Variants in SLC4A5 observed in about 807,000 individuals in gnomAD.
The protein encoded by SLC4A5 is solute carrier family 4 member 5, also known as electrogenic sodium bicarbonate cotransporter 4.
A neutral mutation model predicts 120.4 loss-of-function variants in SLC4A5; 96 were observed. That is an observed-to-expected ratio of 0.80 (90% confidence interval 0.68 to 0.94). The LOEUF is 0.94. Among genes scored for constraint, SLC4A5 ranks in the 40% least tolerant of loss-of-function variants. The pLI, the probability that SLC4A5 is intolerant of heterozygous loss-of-function variation, is 0.00. For synonymous variants in SLC4A5, 550 were observed against 571.1 expected, an observed-to-expected ratio of 0.96 and a Z score of 0.53; for missense variants, 1,259 against 1,459.5, an observed-to-expected ratio of 0.86 and a Z score of 2.24.
At chr2:74,278,490 C>G (rs564942557) in intron 8 of SLC4A5, among the ~76,000 whole-genome samples, 5 of 152,224 alleles carry the variant, frequency 3.3e-5, no homozygotes, top group African/African-American at 9.6e-5. Context: ...GTAAGTTATC[C>G]TAAGTCCCTG....
intron 19 of SLC4A5, 108 bp from the exon 20 acceptor site, chr2:74,242,160 TTC>T: frequency 9.8e-7 from 1 of 1,020,552 alleles, no homozygotes; most frequent in Non-Finnish European, 1.4e-6. Context: ...AAGGCCTGGC[TTC>T]CATTGTGAGG....
chr2:74,240,316 C>G (rs1423182328), intron 20 of SLC4A5, among the ~76,000 whole-genome samples: 3 of 152,168 alleles, frequency 2.0e-5, no homozygotes, highest in Non-Finnish European at 4.4e-5. Flanking sequence ...CTCCAGCAGC[C>G]TCCTTTCCTG....
At chr2:74,295,156 GGA>G (rs1672289990) in intron 7 of SLC4A5, among the ~76,000 whole-genome samples, 1 of 151,814 alleles carries the variant, frequency 6.6e-6, no homozygotes, top group South Asian at 2.1e-4. Flanking sequence ...GGGGCGCTGA[GGA>G]GAGGGGGCTC....
rs1023962185 is a variant in SLC4A5, at chr2:74,254,801, G to T, written c.1026-95C>A. On this transcript the variant is annotated intron_variant, in intron 13 of 30. Coordinates refer to ENST00000394019, the Ensembl canonical transcript of SLC4A5. ...AGAAGCAAGTGAAGAGAATTCTCTG[G>T]CCCTGAACAGTATGCATTTTTTTTT... is the stretch of plus-strand genomic sequence containing the variant. 4.5e-5 allele frequency: 41 copies of T among 909,234 alleles called. 1 individual carries two copies. The South Asian group carries it at 5.8e-4, about 13-fold the overall frequency. 56.3% of individuals were successfully genotyped at this position (909,234 alleles called of 1,614,324 possible).
At chr2:74,322,207 T>G (rs1293333736) in intron 5 of SLC4A5, among the ~76,000 whole-genome samples, 1 of 152,024 alleles carries the variant, frequency 6.6e-6, no homozygotes, top group African/African-American at 2.4e-5. Context: ...AAAAAATCTC[T>G]ATATTTAAAC....
At chr2:74,312,909 G>C (rs2104291307) in intron 6 of SLC4A5, among the ~76,000 whole-genome samples, 1 of 152,220 alleles carries the variant, frequency 6.6e-6, no homozygotes, top group Non-Finnish European at 1.5e-5. Context: ...TCCAGCCTGA[G>C]TGACAGAGCA....
chr2:74,342,489 T>C lies in SLC4A5; in HGVS notation c.-301A>G, dbSNP rs1673650334. The C allele has an allele frequency of 6.6e-6, 1 of 152,164 alleles. No individual in the cohort carries two copies. The highest frequency in any genetic ancestry group is 1.5e-5 in the Non-Finnish European group (1 of 68,076). The allele number at this position is 152,164 out of a possible 1,614,324, so 9.4% of individuals were successfully genotyped here. Reference sequence around the variant, plus strand: ...GGTCTTCAGGGTACTCCTGGAAACATCCATCAGCTCATGAGCTCACAGCTG... The same window carrying C: ...GGTCTTCAGGGTACTCCTGGAAACACCCATCAGCTCATGAGCTCACAGCTG... On this transcript the variant is annotated 5_prime_UTR_variant, in exon 2 of 31. An upstream start codon of the reference 5' UTR is lost. Transcript: ENST00000394019.
intron 6 of SLC4A5, among the ~76,000 whole-genome samples, chr2:74,308,563 T>C (rs979375334): frequency 2.0e-5 from 3 of 152,246 alleles, no homozygotes; most frequent in East Asian, 1.9e-4. Flanking sequence ...CATTATTAAA[T>C]TGGGTTGTTT....
At chr2:74,256,883 C>T (rs1223514440) in intron 12 of SLC4A5, among the ~76,000 whole-genome samples, 1 of 152,170 alleles carries the variant, frequency 6.6e-6, no homozygotes, top group Non-Finnish European at 1.5e-5. Context: ...GGACTGGGTG[C>T]AGTCCACAGT....
intron 4 of SLC4A5, among the ~76,000 whole-genome samples, chr2:74,333,675 C>G (rs1010360164): frequency 2.0e-5 from 3 of 152,120 alleles, no homozygotes; most frequent in Non-Finnish European, 4.4e-5. Flanking sequence ...GGTCCTGGCA[C>G]CAATCCCTTG....
intron 4 of SLC4A5, among the ~76,000 whole-genome samples, chr2:74,331,987 C>T (rs894970844): frequency 7.2e-5 from 11 of 152,124 alleles, no homozygotes; most frequent in African/African-American, 2.7e-4. Flanking sequence ...CAGGTTCTTG[C>T]GTTGTGGGAT....
At chr2:74,301,673 C>A (rs1672479258) in intron 7 of SLC4A5, among the ~76,000 whole-genome samples, 1 of 152,254 alleles carries the variant, frequency 6.6e-6, no homozygotes, top group Admixed American at 6.5e-5. Context: ...GGCATTGGCA[C>A]TATCCCTGAG....
chr2:74,304,967 A>C (rs531359336), intron 6 of SLC4A5, among the ~76,000 whole-genome samples: 1 of 152,214 alleles, frequency 6.6e-6, no homozygotes, highest in Non-Finnish European at 1.5e-5. Context: ...ATTACTGGAT[A>C]TGGCTTATGA....
At chr2:74,241,608 G>A (rs2103951686) in intron 20 of SLC4A5, among the ~76,000 whole-genome samples, 1 of 152,002 alleles carries the variant, frequency 6.6e-6, no homozygotes, top group Middle Eastern at 3.4e-3. Flanking sequence ...TGGGCGTGAT[G>A]GTGCGTGCCT....
At position 74,328,119 on chromosome 2, in the gene SLC4A5, C is replaced by T. The variant is rs899276002; in HGVS notation, c.-3+1G>A. ...TCTGAAGCTTCCAGCTGCAAACTTA[C>T]CTTTGTGTTCTTAGCTCTGGAAACC... On this transcript the variant is annotated splice_donor_variant, in intron 5 of 30. Transcript: ENST00000394019. LOFTEE classifies it low-confidence loss of function (5UTR_SPLICE). The T allele has an allele frequency of 1.0e-6, 1 of 985,736 alleles. No homozygotes were observed. The highest frequency in any genetic ancestry group is 1.7e-5 in the African/African-American group (1 of 57,244). 61.1% of individuals were successfully genotyped at this position (985,736 alleles called of 1,614,324 possible).
At chr2:74,309,800 T>C (rs921458276) in intron 6 of SLC4A5, among the ~76,000 whole-genome samples, 7 of 151,654 alleles carry the variant, frequency 4.6e-5, no homozygotes, top group Non-Finnish European at 8.8e-5. Context: ...GGACTACAGG[T>C]GCCCACCACC....
intron 6 of SLC4A5, among the ~76,000 whole-genome samples, chr2:74,313,631 G>A (rs1273875408): frequency 6.6e-6 from 1 of 152,164 alleles, no homozygotes; most frequent in Non-Finnish European, 1.5e-5. Context: ...CCTAGGGCAC[G>A]GGTGTCAGAA....
intron 5 of SLC4A5, among the ~76,000 whole-genome samples, chr2:74,326,158 A>T (rs868464172): frequency 6.6e-6 from 1 of 152,226 alleles, no homozygotes; most frequent in East Asian, 1.9e-4. Flanking sequence ...AAAAAATTTT[A>T]AAAACCCTCT....
At chr2:74,237,304 G>A (rs1418494363) in intron 21 of SLC4A5, among the ~76,000 whole-genome samples, 1 of 152,056 alleles carries the variant, frequency 6.6e-6, no homozygotes, top group South Asian at 2.1e-4. Context: ...GTAATGTGAC[G>A]GAAAAAATGT....
Sources: gnomAD v4.1 joint callset for allele counts (sites outside exome capture counted in the v4.1 genomes callset) on GRCh38, gnomAD v4.1.1 for gene constraint, MANE v1.5 for transcripts, NCBI Gene and HGNC (gene_info 2026-07-23, HGNC 2026-07-21) for gene names.